UGT1A7: variants seen among roughly 807,000 people sequenced by gnomAD.
UGT1A7 encodes the protein UDP glucuronosyltransferase family 1 member A7.
UGT1A7 carries 33 observed loss-of-function variants against 45.6 expected under a neutral mutation model. The ratio of observed to expected loss-of-function variants is 0.72; its 90% CI spans 0.55 to 0.97. The LOEUF (loss-of-function observed/expected upper bound fraction) is 0.97, where lower values mean the gene tolerates loss of function less well. Ranked by LOEUF, UGT1A7 falls within the 50% of genes least tolerant of loss-of-function variation. The pLI, the probability that UGT1A7 is intolerant of heterozygous loss-of-function variation, is 0.00. For synonymous variants in UGT1A7, 274 were observed against 250.6 expected (o/e 1.09, Z -0.88); for missense variants, 684 against 666.2 (o/e 1.03, Z -0.29).
At chr2:233,751,329 G>A (rs1694703475) in intron 1 of UGT1A7, among the ~76,000 whole-genome samples, 1 of 151,722 alleles carries the variant, frequency 6.6e-6, no homozygotes, top group Non-Finnish European at 1.5e-5. Flanking sequence ...CCCCCATTGT[G>A]TCTTGGAAGT....
At chr2:233,713,310 C>T (rs1177829865) in intron 1 of UGT1A7, 1 of 1,614,216 alleles carries the variant, frequency 6.2e-7, no homozygotes, top group South Asian at 1.1e-5. Context: ...AGAACATCTT[C>T]TGATGAAATT....
intron 1 of UGT1A7, chr2:233,754,468 G>A: frequency 1.1e-5 from 4 of 357,086 alleles, no homozygotes; most frequent in Non-Finnish European, 1.7e-5. Context: ...TGTTCTGAAA[G>A]TAAAGTTCAC....
intron 1 of UGT1A7, among the ~76,000 whole-genome samples, chr2:233,747,015 G>T (rs911515983): frequency 6.6e-6 from 1 of 151,822 alleles, no homozygotes; most frequent in Non-Finnish European, 1.5e-5. Context: ...AGGAGTGATC[G>T]GTCTTTCCCG....
chr2:233,703,749 A>G, intron 1 of UGT1A7, among the ~76,000 whole-genome samples: 1 of 151,980 alleles, frequency 6.6e-6, no homozygotes, highest in Non-Finnish European at 1.5e-5. Context: ...TTAAATCTCA[A>G]ATGTATCTTC....
rs528884709 is a variant in UGT1A7, at chr2:233,723,430, G to A, written c.855+40638G>A. Among the ~76,000 whole-genome samples the A allele has an allele frequency of 9.0e-5, 12 of 133,776 alleles. 1 individual carries two copies. In the South Asian group the frequency reaches 1.7e-3, roughly 19 times the overall value. 87.8% of individuals were successfully genotyped at this position (133,776 alleles called of 152,430 possible). On this transcript the variant is annotated intron_variant, in intron 1 of 4. Coordinates refer to ENST00000373426, the MANE Select transcript of UGT1A7 (RefSeq NM_019077.3). ...TCACCATACTGGTCAGGCTGGTCTC[G>A]AACTCCTGACCTCAGGTGATCCACC...
At chr2:233,717,239 G>T (rs28898607) in intron 1 of UGT1A7, among the ~76,000 whole-genome samples, 1 of 152,308 alleles carries the variant, frequency 6.6e-6, no homozygotes, top group East Asian at 1.9e-4. Flanking sequence ...TTAAGATGCA[G>T]ACAGTTTTAA....
chr2:233,747,375 G>A, intron 1 of UGT1A7: 1 of 1,604,748 alleles, frequency 6.2e-7, no homozygotes, highest in Non-Finnish European at 8.5e-7. Flanking sequence ...CCATGCCAGA[G>A]GCCACCAGGC....
intron 1 of UGT1A7, among the ~76,000 whole-genome samples, chr2:233,728,416 G>A (rs563525403): frequency 6.4e-4 from 98 of 152,296 alleles, no homozygotes; most frequent in African/African-American, 2.2e-3. Context: ...TTAGATAGCA[G>A]CACCTCTTCT....
At position 233,768,158 on chromosome 2, in the gene UGT1A7, A is replaced by AGAACCTAGG. The variant is rs1559415093; in HGVS notation, c.1076-62_1076-61insGAACCTAGG. The AGAACCTAGG allele has an allele frequency of 1.9e-6, 3 of 1,613,074 alleles. No homozygotes were observed. In the African/African-American group the frequency reaches 4.0e-5, roughly 22 times the overall value. On this transcript the variant is annotated intron_variant, in intron 3 of 4. Transcript: ENST00000373426. ...TCTTTGGAGTGTTTTCAGAACCTAGATGTGTCCAGCTGTGAAACTCAGAGA... is the reference window on the plus strand; with the variant it reads ...TCTTTGGAGTGTTTTCAGAACCTAGAGAACCTAGGTGTGTCCAGCTGTGAAACTCAGAGA...
chr2:233,745,955 G>T (rs1353220886), intron 1 of UGT1A7, among the ~76,000 whole-genome samples: 1 of 151,634 alleles, frequency 6.6e-6, no homozygotes, highest in Non-Finnish European at 1.5e-5. Flanking sequence ...GGCAACTGGG[G>T]GACAGGGGCC....
At position 233,725,179 on chromosome 2, in the gene UGT1A7, G is replaced by GAGAGGCAGAGGC. The variant is rs879478240; in HGVS notation, c.856-41825_856-41814dup. Among the ~76,000 whole-genome samples the GAGAGGCAGAGGC allele has an allele frequency of 1.3e-4, 9 of 67,606 alleles. 4 individuals carry two copies. Among genetic ancestry groups the GAGAGGCAGAGGC allele is most frequent in the South Asian group, 1.1e-3 (2 of 1,884 alleles). The allele number at this position is 67,606 out of a possible 152,430, so 44.4% of individuals were successfully genotyped here. A position where few individuals can be genotyped will look rare whatever the true frequency, so the allele number is the denominator to read the frequency against. ...CTCTGCATGAGAGGGAGACCGTGGGGAGAGGCAGAGGCAGAGGCAGAGGCA... is the reference window on the plus strand; with the variant it reads ...CTCTGCATGAGAGGGAGACCGTGGGGAGAGGCAGAGGCAGAGGCAGAGGCAGAGGCAGAGGCA... On this transcript the variant is annotated intron_variant, in intron 1 of 4. Transcript: ENST00000373426.
intron 1 of UGT1A7, among the ~76,000 whole-genome samples, chr2:233,684,868 A>T (rs1195910758): frequency 6.6e-6 from 1 of 152,194 alleles, no homozygotes; most frequent in East Asian, 1.9e-4. Context: ...TTCTTGTTTC[A>T]TATGGGCAGG....
At chr2:233,697,172 T>C (rs1283360164) in intron 1 of UGT1A7, among the ~76,000 whole-genome samples, 1 of 152,110 alleles carries the variant, frequency 6.6e-6, no homozygotes, top group African/African-American at 2.4e-5. Context: ...CTTTTAAAAA[T>C]GGTTGGTAGA....
chr2:233,718,388 G>T (rs189947965), intron 1 of UGT1A7, among the ~76,000 whole-genome samples: 20 of 152,300 alleles, frequency 1.3e-4, no homozygotes, highest in African/African-American at 4.6e-4. Context: ...GAGTTTCAAG[G>T]GTTAGCAAAT....
At chr2:233,745,642 G>A (rs1693169772) in intron 1 of UGT1A7, among the ~76,000 whole-genome samples, 2 of 151,344 alleles carry the variant, frequency 1.3e-5, no homozygotes, top group Admixed American at 1.3e-4. Context: ...GCTGGCCGAG[G>A]GTAGAGTTCA....
chr2:233,767,878 A>G lies in UGT1A7; in HGVS notation c.1017A>G (p.Pro339=), dbSNP rs747062491. ...TGTGGCGGTACACTGGAACCCGACC[A>G]TCGAATCTTGCGAACAACACGATAC... ...TVLWRYTGTR[P]SNLANNTILV... The change falls in exon 3 of 5, where the codon CCA becomes CCG. Residue 339 remains proline, a synonymous_variant. Transcript: ENST00000373426. 6.2e-7 allele frequency: 1 copy of G among 1,614,032 alleles called. No individual in the cohort carries two copies. The highest frequency in any genetic ancestry group is 1.7e-5 in the Admixed American group (1 of 59,990).
At chr2:233,757,560 A>ATATATATATATATG (rs904896556) in intron 1 of UGT1A7, among the ~76,000 whole-genome samples, 2 of 123,156 alleles carry the variant, frequency 1.6e-5, no homozygotes, top group African/African-American at 6.8e-5. Flanking sequence ...ATATATATAT[A>ATATATATATATATG]TGTATATATG....
At chr2:233,744,517 G>A (rs1213288029) in intron 1 of UGT1A7, among the ~76,000 whole-genome samples, 1 of 151,928 alleles carries the variant, frequency 6.6e-6, no homozygotes, top group African/African-American at 2.4e-5. Context: ...TGACACAATA[G>A]CAAATCTTAT....
intron 1 of UGT1A7, chr2:233,713,093 G>A (rs755118222): frequency 8.1e-6 from 13 of 1,614,096 alleles, no homozygotes; most frequent in Middle Eastern, 1.6e-4. Context: ...TGCTGGTGGT[G>A]CCCACTGATG....
Sources: gnomAD v4.1 joint callset for allele counts (sites outside exome capture counted in the v4.1 genomes callset) on GRCh38, gnomAD v4.1.1 for gene constraint, MANE v1.5 for transcripts, NCBI Gene and HGNC (gene_info 2026-07-23, HGNC 2026-07-21) for gene names.